The following ADAMTS16 variants were observed in gnomAD, a reference collection of about 807,000 sequenced individuals.
The protein encoded by ADAMTS16 is ADAM metallopeptidase with thrombospondin type 1 motif 16, also known as A disintegrin and metalloproteinase with thrombospondin motifs 16.
A neutral mutation model predicts 145.8 loss-of-function variants in ADAMTS16; 94 were observed. That is an observed-to-expected ratio of 0.64 (90% CI 0.55 to 0.77). The LOEUF is 0.77. Among genes scored for constraint, ADAMTS16 ranks in the 30% least tolerant of loss-of-function variants. The probability of loss-of-function intolerance (pLI) is 0.00; values close to 1 mark genes in which losing one functional copy is unlikely to be tolerated. For missense variants in ADAMTS16, 1,585 were observed against 1,591.5 expected (o/e 1.00, Z 0.07); for synonymous variants, 659 against 604.3 (o/e 1.09, Z -1.33).
intron 18 of ADAMTS16, among the ~76,000 whole-genome samples, chr5:5,286,857 C>CAA (rs1158555676): frequency 0.08 from 1,767 of 22,114 alleles, 117 homozygotes; most frequent in East Asian, 0.094. Flanking sequence ...GACTCCGTCT[C>CAA]AAAAAAAAAA....
chr5:5,318,494 A>G (rs1203588571), intron 22 of ADAMTS16, among the ~76,000 whole-genome samples: 1 of 152,174 alleles, frequency 6.6e-6, no homozygotes, highest in Non-Finnish European at 1.5e-5. Context: ...TAGTGACATA[A>G]GCGTGACTTC....
intron 17 of ADAMTS16, among the ~76,000 whole-genome samples, chr5:5,242,399 C>A (rs1253181360): frequency 6.6e-6 from 1 of 152,158 alleles, no homozygotes; most frequent in Non-Finnish European, 1.5e-5. Flanking sequence ...CAGTGTGTGA[C>A]TCTGAGGAAG....
At chr5:5,148,727 T>G (rs775214056) in intron 3 of ADAMTS16, among the ~76,000 whole-genome samples, 5 of 152,186 alleles carry the variant, frequency 3.3e-5, no homozygotes, top group Non-Finnish European at 5.9e-5. Context: ...AAATCTCATG[T>G]TCACAGTGAC....
chr5:5,235,117 T>C lies in ADAMTS16; in HGVS notation c.1954T>C (p.Cys652Arg). ...CAGTGTTGACTTCCGTGCTGCTCAGTGTGCCGAGCACAACAGCAGACGATT... is the reference window on the plus strand; with the variant it reads ...CAGTGTTGACTTCCGTGCTGCTCAGCGTGCCGAGCACAACAGCAGACGATT... ...RDSVDFRAAQ[C>R]AEHNSRRFRG... Residue 652 changes from cysteine to arginine, a missense_variant, in exon 13 of 23, where the codon TGT becomes CGT. By Grantham distance (180) the Cys-to-Arg change is radical. This residue lies in a region of ADAMTS16 where 834 missense variants were observed against 811.7 expected (regional missense o/e 1.03). Transcript: ENST00000274181. 1 of 1,603,672 alleles carries C rather than the reference T, an allele frequency of 6.2e-7. No individual in the cohort carries two copies. The highest frequency in any genetic ancestry group is 8.5e-7 in the Non-Finnish European group (1 of 1,171,442).
chr5:5,146,599 A>T, intron 3 of ADAMTS16, 144 bp downstream of exon 3: 1 of 935,810 alleles, frequency 1.1e-6, no homozygotes, highest in African/African-American at 1.7e-5. Context: ...TGCCAAGTAA[A>T]ACTTTTCCAA....
intron 12 of ADAMTS16, among the ~76,000 whole-genome samples, chr5:5,233,132 T>A (rs1027300471): frequency 1.3e-5 from 2 of 151,952 alleles, no homozygotes; most frequent in African/African-American, 4.8e-5. Context: ...AATAAATAAA[T>A]CATAAGAAAA....
At chr5:5,261,974 C>T (rs1041596525) in intron 17 of ADAMTS16, among the ~76,000 whole-genome samples, 1 of 152,156 alleles carries the variant, frequency 6.6e-6, no homozygotes, top group Non-Finnish European at 1.5e-5. Context: ...CTTTCTATCT[C>T]AATGAATTGA....
At chr5:5,262,903 G>A in intron 18 of ADAMTS16, 120 bp downstream of exon 18, 1 of 1,428,310 alleles carries the variant, frequency 7.0e-7, no homozygotes. Context: ...CATAACAGTG[G>A]AGAAGCAAAG....
At chr5:5,263,849 G>T (rs1416016427) in intron 18 of ADAMTS16, among the ~76,000 whole-genome samples, 1 of 152,298 alleles carries the variant, frequency 6.6e-6, no homozygotes, top group Non-Finnish European at 1.5e-5. Flanking sequence ...CAGCCTTTCT[G>T]GTACCCACAC....
intron 9 of ADAMTS16, among the ~76,000 whole-genome samples, chr5:5,201,832 T>C (rs1015191974): frequency 6.6e-6 from 1 of 152,214 alleles, no homozygotes; most frequent in Non-Finnish European, 1.5e-5. Context: ...TCCCCTATCC[T>C]ATTAGATCCT....
intron 4 of ADAMTS16, among the ~76,000 whole-genome samples, chr5:5,183,595 C>T (rs943552001): frequency 7.2e-5 from 11 of 152,324 alleles, no homozygotes; most frequent in East Asian, 3.9e-4. Context: ...CCACAGTGGA[C>T]CTTGAAAACA....
intron 18 of ADAMTS16, among the ~76,000 whole-genome samples, chr5:5,267,099 G>A (rs77507318): frequency 0.019 from 2,846 of 152,256 alleles, 53 homozygotes; most frequent in Non-Finnish European, 0.026. Context: ...CAGGGTGTGC[G>A]ATGAGGGCGT....
At chr5:5,153,227 T>C (rs1037326392) in intron 3 of ADAMTS16, among the ~76,000 whole-genome samples, 2 of 152,234 alleles carry the variant, frequency 1.3e-5, no homozygotes, top group African/African-American at 4.8e-5. Context: ...AGTGACCACA[T>C]TTGCAGTTTG....
chr5:5,140,420 C>T lies in ADAMTS16; in HGVS notation c.-48C>T. On this transcript the variant is annotated 5_prime_UTR_variant, in exon 1 of 23. Coordinates refer to ENST00000274181, the MANE Select transcript of ADAMTS16 (RefSeq NM_139056.4). ...GTCCTCCCTGCCCGCTCGCACGCTG[C>T]CGGCCGGGGACCCTCCGGTGGCCCC... The T allele has an allele frequency of 6.7e-7, 1 of 1,482,004 alleles. No homozygotes were observed. Among genetic ancestry groups the T allele is most frequent in the Non-Finnish European group, 8.9e-7 (1 of 1,123,070 alleles). The allele number at this position is 1,482,004 out of a possible 1,614,324, so 91.8% of individuals were successfully genotyped here. A position where few individuals can be genotyped will look rare whatever the true frequency, so the allele number is the denominator to read the frequency against.
intron 9 of ADAMTS16, among the ~76,000 whole-genome samples, chr5:5,206,403 G>A (rs1480375430): frequency 2.1e-5 from 2 of 94,376 alleles, no homozygotes; most frequent in African/African-American, 8.7e-5. Flanking sequence ...TCCAGCCTGG[G>A]CGACAGAGCG....
At chr5:5,239,378 G>A (rs922165446) in intron 15 of ADAMTS16, 104 bp downstream of exon 15, 43 of 1,447,484 alleles carry the variant, frequency 3.0e-5, no homozygotes, top group South Asian at 4.4e-5. Context: ...ACTTCCTTCC[G>A]CTGCCTCGCT....
chr5:5,153,837 A>G (rs1204446785), intron 3 of ADAMTS16, among the ~76,000 whole-genome samples: 2 of 152,218 alleles, frequency 1.3e-5, no homozygotes, highest in African/African-American at 4.8e-5. Context: ...GCATTAATGC[A>G]CAGGATAGGT....
intron 17 of ADAMTS16, among the ~76,000 whole-genome samples, chr5:5,244,325 T>C (rs1579337461): frequency 6.6e-6 from 1 of 152,352 alleles, no homozygotes; most frequent in East Asian, 1.9e-4. Context: ...AGAATTACTT[T>C]CTATAGAAGC....
chr5:5,170,869 G>C (rs894304883), intron 3 of ADAMTS16, among the ~76,000 whole-genome samples: 8 of 152,060 alleles, frequency 5.3e-5, no homozygotes, highest in African/African-American at 1.7e-4. Context: ...AACTTGCAGG[G>C]ATCCCATTGG....
Sources: allele counts gnomAD v4.1 joint callset (sites outside exome capture counted in the v4.1 genomes callset), GRCh38; gene constraint gnomAD v4.1.1; regional missense constraint gnomAD v4.1.1; transcripts MANE v1.5; gene names NCBI Gene and HGNC (gene_info 2026-07-23, HGNC 2026-07-21).